The following PLEKHG7 variants were observed in gnomAD, a reference collection of about 807,000 sequenced individuals.
PLEKHG7 encodes pleckstrin homology domain-containing family G member 7.
Under a neutral mutation model 85.2 loss-of-function variants are expected in PLEKHG7, and 77 were observed. That is an observed-to-expected ratio of 0.90 (90% CI 0.75 to 1.09). The LOEUF (loss-of-function observed/expected upper bound fraction) is 1.09. Ranked by LOEUF, PLEKHG7 falls within the 50% of genes least tolerant of loss-of-function variation. The pLI is 0.00. For missense variants in PLEKHG7, 777 were observed against 804.3 expected, an observed-to-expected ratio of 0.97 and a Z score of 0.41; for synonymous variants, 301 against 302.4, an observed-to-expected ratio of 1.00 and a Z score of 0.05.
intron 7 of PLEKHG7, among the ~76,000 whole-genome samples, chr12:92,739,988 G>A (rs1426368491): frequency 6.6e-6 from 1 of 152,178 alleles, no homozygotes; most frequent in African/African-American, 2.4e-5. Flanking sequence ...TCACAGATGA[G>A]GGTGGGGGCC....
chr12:92,722,202 G>A (rs1022096126), intron 3 of PLEKHG7, among the ~76,000 whole-genome samples: 1 of 151,738 alleles, frequency 6.6e-6, no homozygotes, highest in Non-Finnish European at 1.5e-5. Flanking sequence ...TTCATCCAAC[G>A]ATCCGAGCAA....
intron 3 of PLEKHG7, among the ~76,000 whole-genome samples, chr12:92,720,482 C>T (rs1182258121): frequency 1.3e-5 from 2 of 152,060 alleles, no homozygotes; most frequent in Non-Finnish European, 2.9e-5. Context: ...TGCGCCACCA[C>T]ATCGGGCTAA....
chr12:92,717,086 A>G (rs1014340512), intron 3 of PLEKHG7, among the ~76,000 whole-genome samples: 1 of 152,236 alleles, frequency 6.6e-6, no homozygotes, highest in Non-Finnish European at 1.5e-5. Context: ...TCAATTTTAT[A>G]TTCATAGGAA....
Position 92,764,157 on chromosome 12 carries a change from AT to A in PLEKHG7, c.1835del (p.Leu612TrpfsTer2). 6.2e-7 allele frequency: 1 copy of A among 1,607,600 alleles called. No individual in the cohort carries two copies. The highest frequency in any genetic ancestry group is 1.1e-5 in the South Asian group (1 of 89,872). ...VLDQPIPLDRLVVKSIEPLHV... is the reference protein window; with the variant it reads ...VLDQPIPLDRXVVKSIEPLHV... ...TCGATCAGCCTATTCCACTAGATAG[AT>A]TGGTAGTCAAAAGTATTGAACCACT... is the stretch of plus-strand genomic sequence containing the variant. On this transcript the variant is annotated frameshift_variant, in exon 15 of 17. Transcript: ENST00000344636. LOFTEE classifies it high-confidence loss of function.
intron 3 of PLEKHG7, among the ~76,000 whole-genome samples, chr12:92,726,055 G>T (rs1433138754): frequency 5.9e-5 from 9 of 152,176 alleles, no homozygotes; most frequent in African/African-American, 1.9e-4. Flanking sequence ...AATAGGGCAT[G>T]ATACACTCCA....
chr12:92,722,628 T>C (rs1871679901), intron 3 of PLEKHG7, among the ~76,000 whole-genome samples: 1 of 152,180 alleles, frequency 6.6e-6, no homozygotes, highest in Non-Finnish European at 1.5e-5. Context: ...AATGGATGCA[T>C]GATGTCAGAA....
rs190686816 is a variant in PLEKHG7 at position 92,747,754 on chromosome 12, C to G, written c.1251+2163C>G. On this transcript the variant is annotated intron_variant, in intron 10 of 16. Transcript: ENST00000344636. Reference sequence around the variant, plus strand: ...AAAAAGAATGAAATCTTGTCACTTACAGATAAAACTAGAGGTCATTAAGTG... The same window carrying G: ...AAAAAGAATGAAATCTTGTCACTTAGAGATAAAACTAGAGGTCATTAAGTG... Among the ~76,000 whole-genome samples, 514 of 152,250 alleles carry G rather than the reference C, an allele frequency of 3.4e-3. 5 individuals carry two copies. The highest frequency in any genetic ancestry group is 0.012 in the African/African-American group (500 of 41,560).
chr12:92,754,420 C>T (rs1288602569), intron 11 of PLEKHG7, among the ~76,000 whole-genome samples, 156 bp downstream of exon 11: 1 of 152,080 alleles, frequency 6.6e-6, no homozygotes, highest in Non-Finnish European at 1.5e-5. Context: ...AAATCAAATG[C>T]GCACAGAACA....
chr12:92,742,267 G>A (rs956987961), intron 9 of PLEKHG7, among the ~76,000 whole-genome samples: 2 of 152,224 alleles, frequency 1.3e-5, no homozygotes, highest in African/African-American at 2.4e-5. Flanking sequence ...TTAAACAAGC[G>A]CCTTGCTTTT....
chr12:92,767,891 G>A (rs1427489453), intron 15 of PLEKHG7, among the ~76,000 whole-genome samples: 5 of 152,076 alleles, frequency 3.3e-5, no homozygotes, highest in Admixed American at 6.5e-5. Context: ...TTGTTTGTTT[G>A]TTTCTAAACA....
At chr12:92,718,785 C>T (rs531492091) in intron 3 of PLEKHG7, among the ~76,000 whole-genome samples, 1 of 152,128 alleles carries the variant, frequency 6.6e-6, no homozygotes, top group East Asian at 1.9e-4. Context: ...AAAACAGTAA[C>T]CTAGAAAGAA....
At chr12:92,760,329 A>AT (rs1317019325) in intron 13 of PLEKHG7, among the ~76,000 whole-genome samples, 1 of 152,180 alleles carries the variant, frequency 6.6e-6, no homozygotes, top group East Asian at 1.9e-4. Context: ...TTTTAATATG[A>AT]TTTTTAAAAA....
rs1278293243 is a variant in PLEKHG7 at position 92,761,625 on chromosome 12, AGAAAG to A, written c.1637-126_1637-122del. 51 of 62,106 alleles carry A rather than the reference AGAAAG, an allele frequency of 8.2e-4. 1 individual carries two copies. The East Asian group carries it at 0.04, about 49-fold the overall frequency. The allele number at this position is 62,106 out of a possible 1,614,324, so 3.8% of individuals were successfully genotyped here. On this transcript the variant is annotated intron_variant, in intron 13 of 16. Transcript: ENST00000344636. ...AGAAAGAAAAAGAAAGAAAGAAAGA[AGAAAG>A]AAAGAAAGAAAGAAAGAAAGAAAGA...
At chr12:92,750,685 GCTGCC>G (rs1187162117) in intron 10 of PLEKHG7, among the ~76,000 whole-genome samples, 1 of 152,134 alleles carries the variant, frequency 6.6e-6, no homozygotes, top group Admixed American at 6.5e-5. Context: ...CTGGAACGCT[GCTGCC>G]CGTGAGTCAA....
At chr12:92,762,552 CT>C (rs1236018014) in intron 14 of PLEKHG7, among the ~76,000 whole-genome samples, 1 of 152,150 alleles carries the variant, frequency 6.6e-6, no homozygotes, top group African/African-American at 2.4e-5. Flanking sequence ...TGGTCTGCTG[CT>C]GGTCCCCAAA....
intron 3 of PLEKHG7, among the ~76,000 whole-genome samples, chr12:92,722,084 A>C (rs953394590): frequency 2.6e-5 from 4 of 151,970 alleles, no homozygotes; most frequent in African/African-American, 9.7e-5. Flanking sequence ...AAAAACCCTA[A>C]TATTTAGAAC....
At chr12:92,717,990 C>G (rs1369400208) in intron 3 of PLEKHG7, among the ~76,000 whole-genome samples, 2 of 152,184 alleles carry the variant, frequency 1.3e-5, no homozygotes, top group Non-Finnish European at 2.9e-5. Context: ...CTTATCCTTT[C>G]TAAAATTTTC....
Position 92,706,947 on chromosome 12 carries a change from T to A in PLEKHG7, c.316T>A (p.Ser106Thr). 6.2e-7 allele frequency: 1 copy of A among 1,614,082 alleles called. No individual in the cohort carries two copies. Among genetic ancestry groups the A allele is most frequent in the African/African-American group, 1.3e-5 (1 of 75,002 alleles). ...SHLLSPLRLHSRLTSEPERAL... is the reference protein window; with the variant it reads ...SHLLSPLRLHTRLTSEPERAL... The stretch of plus-strand genomic sequence containing the variant: ...CTTGCTGTCACCCTTGAGACTCCAC[T>A]CAAGATTGACCTCTGAACCTGAAAG... Residue 106 changes from serine (S) to threonine (T), a missense_variant, in exon 2 of 17, where the codon TCA becomes ACA. Physicochemically the swap from Ser to Thr is moderately conservative, Grantham distance 58. This residue lies in a region of PLEKHG7 where 252 missense variants were observed against 241.9 expected (regional missense o/e 1.04). Coordinates refer to ENST00000344636, the MANE Select transcript of PLEKHG7 (RefSeq NM_001377329.1).
chr12:92,748,437 G>A (rs748935234), intron 10 of PLEKHG7, among the ~76,000 whole-genome samples: 8 of 151,974 alleles, frequency 5.3e-5, no homozygotes, highest in African/African-American at 1.2e-4. Context: ...CGGTAGAGAC[G>A]GGGCTTCACT....
Sources: gnomAD v4.1 joint callset for allele counts (sites outside exome capture counted in the v4.1 genomes callset) on GRCh38, gnomAD v4.1.1 for gene constraint, gnomAD v4.1.1 regional missense constraint, MANE v1.5 for transcripts, NCBI Gene and HGNC (gene_info 2026-07-23, HGNC 2026-07-21) for gene names.